RAPGEF2: variants seen among roughly 807,000 people sequenced by gnomAD.
RAPGEF2 encodes Rap guanine nucleotide exchange factor 2, also known as PDZ domain containing guanine nucleotide exchange factor (GEF) 1.
Under a neutral mutation model 186.7 loss-of-function variants are expected in RAPGEF2, and 54 were observed. The ratio of observed to expected loss-of-function variants is 0.29; its 90% confidence interval spans 0.23 to 0.36. The LOEUF (loss-of-function observed/expected upper bound fraction) is 0.36, where lower values mean the gene tolerates loss of function less well. Ranked by LOEUF, RAPGEF2 falls within the 10% of genes least tolerant of loss-of-function variation. The pLI, the probability that RAPGEF2 is intolerant of heterozygous loss-of-function variation, is 1.00. For synonymous variants in RAPGEF2, 712 were observed against 705.9 expected, an observed-to-expected ratio of 1.01 and a Z score of -0.14; for missense variants, 1,532 against 2,045.0, an observed-to-expected ratio of 0.75 and a Z score of 4.84.
chr4:159,129,031 A>G (rs1740709729), intron 1 of RAPGEF2: 1 of 150,426 alleles, frequency 6.6e-6, no homozygotes, highest in African/African-American at 2.4e-5. Context: ...GTATGATATG[A>G]ATGGATGCAG....
rs187453423 is a variant in RAPGEF2 at position 159,338,078 on chromosome 4, A to G, written c.2136-233A>G. On this transcript the variant is annotated intron_variant, in intron 17 of 29. Transcript: ENST00000691494. ...CAAGCCCAGCTTGAGCAACAAAGCA[A>G]GATGCTATATCTAAAAACAAACAAA... Among the ~76,000 whole-genome samples, 28 of 152,132 alleles carry G rather than the reference A, an allele frequency of 1.8e-4. No individual in the cohort carries two copies. In the East Asian group the frequency reaches 5.4e-3, roughly 29 times the overall value.
At chr4:159,226,643 G>A (rs67152974) in intron 4 of RAPGEF2, among the ~76,000 whole-genome samples, 26,355 of 152,082 alleles carry the variant, frequency 0.17, 2,413 homozygotes, top group Admixed American at 0.22. Flanking sequence ...ATTTCCCTTT[G>A]CAAGGTTAAG....
At chr4:159,261,913 T>C (rs1393780244) in intron 7 of RAPGEF2, among the ~76,000 whole-genome samples, 1 of 152,222 alleles carries the variant, frequency 6.6e-6, no homozygotes, top group Non-Finnish European at 1.5e-5. Flanking sequence ...ATAATATTCA[T>C]GTAGGTCTTT....
At chr4:159,190,621 G>A (rs182014669) in intron 2 of RAPGEF2, among the ~76,000 whole-genome samples, 256 of 152,336 alleles carry the variant, frequency 1.7e-3, no homozygotes, top group Middle Eastern at 6.8e-3. Flanking sequence ...AGTTCCGCAT[G>A]GCTGGGGAGG....
Position 159,166,877 on chromosome 4 carries a change from G to C in RAPGEF2, c.70-19765G>C, listed in dbSNP as rs147333499. Reference sequence around the variant, plus strand: ...CATCAGGATGGATTGGGTAGTGGATGCTGATGTGGGCAAACACTGGAATAG... The same window carrying C: ...CATCAGGATGGATTGGGTAGTGGATCCTGATGTGGGCAAACACTGGAATAG... On this transcript the variant is annotated intron_variant, in intron 1 of 29. Coordinates refer to ENST00000691494, the MANE Select transcript of RAPGEF2 (RefSeq NM_001394067.2). Among the ~76,000 whole-genome samples the C allele has an allele frequency of 4.8e-3, 735 of 152,302 alleles. 4 individuals are homozygous for C. Among genetic ancestry groups the C allele is most frequent in the African/African-American group, 0.017 (699 of 41,546 alleles).
Position 159,211,314 on chromosome 4 carries a change from G to C in RAPGEF2, c.281+731G>C, listed in dbSNP as rs1579474976. Among the ~76,000 whole-genome samples the C allele has an allele frequency of 2.6e-5, 4 of 152,138 alleles. No individual in the cohort carries two copies. In the South Asian group the frequency reaches 8.3e-4, roughly 31 times the overall value. On this transcript the variant is annotated intron_variant, in intron 4 of 29. Transcript: ENST00000691494. ...TTACATACATGATTGCCTAGATTCA[G>C]GTTCCCCAAGGGTGTCAGCTACTGA...
At chr4:159,293,134 T>C (rs1302920760) in intron 7 of RAPGEF2, among the ~76,000 whole-genome samples, 1 of 152,198 alleles carries the variant, frequency 6.6e-6, no homozygotes, top group Non-Finnish European at 1.5e-5. Flanking sequence ...TACATGTCTA[T>C]ATATGTATTT....
At chr4:159,335,080 A>C (rs1481222963) in intron 17 of RAPGEF2, among the ~76,000 whole-genome samples, 1 of 152,106 alleles carries the variant, frequency 6.6e-6, no homozygotes, top group Non-Finnish European at 1.5e-5. Flanking sequence ...AAAGCTACTA[A>C]ACTAGCAATT....
chr4:159,259,871 T>C (rs1399062473), intron 7 of RAPGEF2, among the ~76,000 whole-genome samples: 1 of 152,206 alleles, frequency 6.6e-6, no homozygotes, highest in African/African-American at 2.4e-5. Context: ...TCTGAATAAT[T>C]CAGATTATTG....
At chr4:159,109,884 A>G (rs1046480802) in intron 1 of RAPGEF2, among the ~76,000 whole-genome samples, 5 of 152,156 alleles carry the variant, frequency 3.3e-5, no homozygotes, top group Non-Finnish European at 7.4e-5. Context: ...GGGGGTAAGG[A>G]ATGATTACTG....
At chr4:159,138,840 A>C (rs1188020757) in intron 1 of RAPGEF2, among the ~76,000 whole-genome samples, 1 of 152,232 alleles carries the variant, frequency 6.6e-6, no homozygotes, top group Non-Finnish European at 1.5e-5. Context: ...GAGCAAGGAT[A>C]CCAATCATGT....
chr4:159,131,522 T>G (rs112410604), intron 1 of RAPGEF2, among the ~76,000 whole-genome samples: 3,853 of 30,810 alleles, frequency 0.13, 257 homozygotes, highest in African/African-American at 0.32. Flanking sequence ...AATTGCTATT[T>G]TTTTTTTTTT....
intron 17 of RAPGEF2, among the ~76,000 whole-genome samples, chr4:159,335,924 A>G (rs2111230899): frequency 6.6e-6 from 1 of 151,382 alleles, no homozygotes; most frequent in East Asian, 1.9e-4. Flanking sequence ...CAAGCCAGCT[A>G]TGCTTTGTCC....
chr4:159,349,818 T>G (rs996272369), intron 25 of RAPGEF2, among the ~76,000 whole-genome samples: 1 of 152,208 alleles, frequency 6.6e-6, no homozygotes, highest in African/African-American at 2.4e-5. Context: ...GTCCATTTTT[T>G]CTTCATTGTT....
chr4:159,259,955 A>G (rs759309680), intron 7 of RAPGEF2, among the ~76,000 whole-genome samples: 1 of 152,024 alleles, frequency 6.6e-6, no homozygotes, highest in Non-Finnish European at 1.5e-5. Flanking sequence ...GAAAACTTCT[A>G]TTGTCCTATT....
intron 3 of RAPGEF2, among the ~76,000 whole-genome samples, chr4:159,195,438 T>G (rs766670911): frequency 1.5e-4 from 23 of 152,344 alleles, no homozygotes; most frequent in Non-Finnish European, 2.8e-4. Flanking sequence ...AGCCGACATT[T>G]AACACGCACT....
At chr4:159,238,749 A>G (rs1579561773) in intron 4 of RAPGEF2, 60 bp from the exon 5 acceptor site, 1 of 1,316,252 alleles carries the variant, frequency 7.6e-7, no homozygotes, top group Non-Finnish European at 1.0e-6. Flanking sequence ...TATGTTCACA[A>G]ATCATACTAC....
At chr4:159,115,522 T>G (rs1738949010) in intron 1 of RAPGEF2, among the ~76,000 whole-genome samples, 1 of 148,432 alleles carries the variant, frequency 6.7e-6, no homozygotes, top group Admixed American at 6.9e-5. Flanking sequence ...ATATAGAAAC[T>G]ATTTGAATTC....
intron 2 of RAPGEF2, among the ~76,000 whole-genome samples, chr4:159,189,806 C>T (rs1747930613): frequency 6.6e-6 from 1 of 152,178 alleles, no homozygotes; most frequent in Non-Finnish European, 1.5e-5. Context: ...TTTCTGATAG[C>T]ACTGTTTAAA....
Sources: gnomAD v4.1 joint callset for allele counts (sites outside exome capture counted in the v4.1 genomes callset) on GRCh38, gnomAD v4.1.1 for gene constraint, MANE v1.5 for transcripts, NCBI Gene and HGNC (gene_info 2026-07-23, HGNC 2026-07-21) for gene names.